MAP2K6: variants seen among roughly 807,000 people sequenced by gnomAD.
MAP2K6 encodes the protein dual specificity mitogen-activated protein kinase kinase 6.
Under a neutral mutation model 53.7 loss-of-function variants are expected in MAP2K6, and 16 were observed. The observed-to-expected ratio is 0.30, with a 90% CI of 0.20 to 0.45. The LOEUF (loss-of-function observed/expected upper bound fraction) is 0.45. Among genes scored for constraint, MAP2K6 ranks in the 20% least tolerant of loss-of-function variants. MAP2K6 has a pLI of 1.00. For synonymous variants in MAP2K6, 132 were observed against 143.1 expected (o/e 0.92, Z 0.55); for missense variants, 204 against 411.9 (o/e 0.50, Z 4.37).
In MAP2K6 at chr17:69,466,519, A is replaced by C. The variant is rs990958005; in HGVS notation, c.17-39261A>C. 2.0e-5 allele frequency among the ~76,000 whole-genome samples: 3 copies of C among 152,128 alleles called. No homozygotes were observed. The South Asian group carries it at 6.2e-4, about 32-fold the overall frequency. ...ATCCCTCAGCTCTATTCCTTGGCCC[A>C]TTCCTTTCTGGAATTTGTTTCTCAA... On this transcript the variant is annotated intron_variant, in intron 1 of 11. Coordinates refer to ENST00000590474, the MANE Select transcript of MAP2K6 (RefSeq NM_002758.4).
chr17:69,536,714 A>G (rs2521365), intron 11 of MAP2K6, among the ~76,000 whole-genome samples: 46,313 of 152,188 alleles, frequency 0.3, 7,703 homozygotes, highest in East Asian at 0.55. Context: ...TGCTGTGTCT[A>G]TAAAAAGCAA....
At chr17:69,529,226 A>G (rs1350669704) in intron 10 of MAP2K6, among the ~76,000 whole-genome samples, 1 of 152,170 alleles carries the variant, frequency 6.6e-6, no homozygotes, top group Non-Finnish European at 1.5e-5. Context: ...GGGAGGGGCC[A>G]AGATACTAAT....
intron 1 of MAP2K6, among the ~76,000 whole-genome samples, chr17:69,488,490 A>G (rs1598285918): frequency 6.6e-6 from 1 of 152,220 alleles, no homozygotes; most frequent in Non-Finnish European, 1.5e-5. Flanking sequence ...TTGCAGCACT[A>G]TTCACAGTAG....
At chr17:69,535,879 T>TACAC (rs3216906) in intron 10 of MAP2K6, among the ~76,000 whole-genome samples, 2,282 of 147,676 alleles carry the variant, frequency 0.015, 30 homozygotes, top group South Asian at 0.052. Flanking sequence ...AAAAGGAAAG[T>TACAC]ACACACACAC....
intron 1 of MAP2K6, among the ~76,000 whole-genome samples, chr17:69,466,183 C>G (rs1476006711): frequency 6.7e-6 from 1 of 150,188 alleles, no homozygotes; most frequent in Admixed American, 6.6e-5. Flanking sequence ...CTACCAGCTA[C>G]TCGGGAGGCT....
intron 8 of MAP2K6, 145 bp from the exon 9 acceptor site, chr17:69,524,756 C>T (rs752912708): frequency 5.6e-5 from 30 of 535,322 alleles, no homozygotes; most frequent in African/African-American, 1.1e-4. Context: ...TGTAGTTAAC[C>T]GGGTCTTCTT....
chr17:69,530,659 A>G (rs1337673699), intron 10 of MAP2K6, among the ~76,000 whole-genome samples: 1 of 152,152 alleles, frequency 6.6e-6, no homozygotes, highest in Non-Finnish European at 1.5e-5. Flanking sequence ...CAAACCACCA[A>G]TATATTTTCT....
intron 1 of MAP2K6, among the ~76,000 whole-genome samples, chr17:69,490,816 C>T (rs1908714367): frequency 1.3e-5 from 2 of 151,946 alleles, no homozygotes; most frequent in Non-Finnish European, 2.9e-5. Flanking sequence ...TTTCATTACC[C>T]AAGTATTAAG....
chr17:69,433,880 G>A (rs1906555677), intron 1 of MAP2K6: 1 of 152,224 alleles, frequency 6.6e-6, no homozygotes, highest in Admixed American at 6.5e-5. Context: ...GCAGACCCGT[G>A]AGAGATGAGA....
intron 10 of MAP2K6, among the ~76,000 whole-genome samples, chr17:69,528,513 GTTAT>G (rs373998318): frequency 2.0e-5 from 3 of 151,984 alleles, no homozygotes; most frequent in African/African-American, 4.8e-5. Context: ...TGGTTGGTTG[GTTAT>G]TTATTTATTT....
At position 69,512,329 on chromosome 17, in the gene MAP2K6, TTTTTTTTTTG is replaced by T. The variant is rs869305697; in HGVS notation, c.84-4516_84-4507del. Among the ~76,000 whole-genome samples, 92 of 65,244 alleles carry T rather than the reference TTTTTTTTTTG, an allele frequency of 1.4e-3. 7 individuals carry two copies. The highest frequency in any genetic ancestry group is 1.7e-3 in the Non-Finnish European group (50 of 29,930). The allele number at this position is 65,244 out of a possible 152,430, so 42.8% of individuals were successfully genotyped here. On this transcript the variant is annotated intron_variant, in intron 2 of 11. Coordinates refer to ENST00000590474, the MANE Select transcript of MAP2K6 (RefSeq NM_002758.4). The stretch of plus-strand genomic sequence containing the variant: ...TCTAATCTCATTGTCTTTCTAAGTG[TTTTTTTTTTG>T]TTTTTTTTTTTTTTTTTTGAGACAG...
Position 69,473,576 on chromosome 17 carries a change from T to C in MAP2K6, c.17-32204T>C, listed in dbSNP as rs140179069. The stretch of plus-strand genomic sequence containing the variant: ...TTTCTTTTTGAACTCAGGAAATCTA[T>C]GGTATTTATTTTTCAAGGTAAATTT... On this transcript the variant is annotated intron_variant, in intron 1 of 11. Transcript: ENST00000590474. 1.6e-3 allele frequency among the ~76,000 whole-genome samples: 238 copies of C among 152,282 alleles called. 1 individual carries two copies. The Middle Eastern group carries it at 0.017, about 11-fold the overall frequency.
intron 1 of MAP2K6, among the ~76,000 whole-genome samples, chr17:69,469,171 T>G (rs1907907555): frequency 6.6e-6 from 1 of 152,218 alleles, no homozygotes; most frequent in African/African-American, 2.4e-5. Flanking sequence ...CCACATGCAT[T>G]CCTTGAGTTC....
At chr17:69,519,861 G>T in intron 5 of MAP2K6, 1 of 220,482 alleles carries the variant, frequency 4.5e-6, no homozygotes, top group Non-Finnish European at 8.9e-6. Flanking sequence ...GGATTATGAG[G>T]CTTCACCTCA....
intron 1 of MAP2K6, among the ~76,000 whole-genome samples, chr17:69,437,264 C>T (rs943917748): frequency 3.3e-5 from 5 of 151,952 alleles, no homozygotes; most frequent in Admixed American, 6.6e-5. Context: ...TTACAATAAC[C>T]TAAGCTAGAG....
chr17:69,480,635 A>G (rs1465252215), intron 1 of MAP2K6, among the ~76,000 whole-genome samples: 2 of 152,226 alleles, frequency 1.3e-5, no homozygotes, highest in Non-Finnish European at 2.9e-5. Flanking sequence ...GCCATCAGGA[A>G]TATAGAGATT....
At chr17:69,482,272 C>A (rs1458792328) in intron 1 of MAP2K6, among the ~76,000 whole-genome samples, 1 of 152,042 alleles carries the variant, frequency 6.6e-6, no homozygotes, top group African/African-American at 2.4e-5. Flanking sequence ...TTGCTATTAA[C>A]TATTTTCTGG....
intron 1 of MAP2K6, among the ~76,000 whole-genome samples, chr17:69,450,075 C>T (rs1907161813): frequency 6.6e-6 from 1 of 150,540 alleles, no homozygotes; most frequent in South Asian, 2.1e-4. Context: ...GCTGGGACTA[C>T]AGGTGTGCAC....
At chr17:69,531,860 CATAGAGAAGTCTA>C (rs964745952) in intron 10 of MAP2K6, among the ~76,000 whole-genome samples, 6 of 152,234 alleles carry the variant, frequency 3.9e-5, no homozygotes, top group African/African-American at 7.2e-5. Flanking sequence ...TGAGATTCAT[CATAGAGAAGTCTA>C]ATAGAGAAGT....
Sources: allele counts gnomAD v4.1 joint callset (sites outside exome capture counted in the v4.1 genomes callset), GRCh38; gene constraint gnomAD v4.1.1; transcripts MANE v1.5; gene names NCBI Gene and HGNC (gene_info 2026-07-23, HGNC 2026-07-21).